Variants in NUP210 observed in about 807,000 individuals in gnomAD.
The protein encoded by NUP210 is nucleoporin 210, also known as nuclear pore membrane glycoprotein 210.
In NUP210, 151 loss-of-function variants were observed where a neutral mutation model predicts 196.0. That is an observed-to-expected ratio of 0.77 (90% CI 0.67 to 0.88). The LOEUF is 0.88. Among genes scored for constraint, NUP210 ranks in the 40% least tolerant of loss-of-function variants. NUP210 has a pLI of 0.00. For synonymous variants in NUP210, 1,070 were observed against 1,052.7 expected, an observed-to-expected ratio of 1.02 and a Z score of -0.32; for missense variants, 2,314 against 2,493.7, an observed-to-expected ratio of 0.93 and a Z score of 1.53.
chr3:13,376,699 G>A lies in NUP210; in HGVS notation c.1153-268C>T, dbSNP rs541618256. Among the ~76,000 whole-genome samples, 6 of 152,194 alleles carry A rather than the reference G, an allele frequency of 3.9e-5. No individual in the cohort carries two copies. In the South Asian group the frequency reaches 1.2e-3, roughly 32 times the overall value. ...TTTCATCCCCCCGTGTGGCACCTGG[G>A]GCAGCTTGGAGCCTACCGAGGTCTC... On this transcript the variant is annotated intron_variant, in intron 9 of 39. Coordinates refer to ENST00000254508, the MANE Select transcript of NUP210 (RefSeq NM_024923.4).
At chr3:13,333,091 C>T (rs571941425) in intron 28 of NUP210, among the ~76,000 whole-genome samples, 74 of 152,326 alleles carry the variant, frequency 4.9e-4, no homozygotes, top group African/African-American at 1.7e-3. Context: ...CATAGACACA[C>T]ACAGGGGCCT....
intron 1 of NUP210, among the ~76,000 whole-genome samples, chr3:13,413,756 A>G (rs1449110960): frequency 1.3e-5 from 2 of 152,218 alleles, no homozygotes; most frequent in African/African-American, 4.8e-5. Context: ...AGAGTTCTGA[A>G]GGTGGATGGT....
chr3:13,386,324 T>A lies in NUP210; in HGVS notation c.768A>T (p.Gly256=). 1 of 1,614,156 alleles carries A rather than the reference T, an allele frequency of 6.2e-7. No homozygotes were observed. Among genetic ancestry groups the A allele is most frequent in the Non-Finnish European group, 8.5e-7 (1 of 1,179,996 alleles). Residue 256 remains glycine, a synonymous_variant, in exon 6 of 40, where the codon GGA becomes GGT. Coordinates refer to ENST00000254508, the MANE Select transcript of NUP210 (RefSeq NM_024923.4). ...NPAYDVYLMV[G]TSIHYKVQKI... The stretch of plus-strand genomic sequence containing the variant: ...TCTGCACCTTGTAGTGAATGGAGGT[T>A]CCCACCATCAGGTAGACGTCATAGG...
rs544719055 is a variant in NUP210, at chr3:13,349,727, T to C, written c.2835+2152A>G. ...GTTGCTCCTGAAGGAACTGACTTCA[T>C]GCGCAACAGAGCTCGGAGAAGTCCA... On this transcript the variant is annotated intron_variant, in intron 20 of 39. Coordinates refer to ENST00000254508, the MANE Select transcript of NUP210 (RefSeq NM_024923.4). 1.9e-3 allele frequency among the ~76,000 whole-genome samples: 296 copies of C among 152,320 alleles called. 1 individual carries two copies. Among genetic ancestry groups the C allele is most frequent in the Non-Finnish European group, 3.3e-3 (226 of 68,030 alleles).
In NUP210 at chr3:13,373,793, G is replaced by A; in HGVS notation, c.1512C>T (p.Thr504=). 6.2e-7 allele frequency: 1 copy of A among 1,614,124 alleles called. No homozygotes were observed. Among genetic ancestry groups the A allele is most frequent in the South Asian group, 1.1e-5 (1 of 91,082 alleles). The change falls in exon 12 of 40, where the codon ACC becomes ACT. Residue 504 remains threonine (T), a synonymous_variant. Coordinates refer to ENST00000254508, the MANE Select transcript of NUP210 (RefSeq NM_024923.4). ...VATVTVKGVM[T]TGSDIGFSVI... ...CACTGAACCCGATGTCACTGCCTGT[G>A]GTCATCACGCCCTTGACAGTAACTG...
chr3:13,343,447 C>T, intron 20 of NUP210, 144 bp from the exon 21 acceptor site: 1 of 1,076,424 alleles, frequency 9.3e-7, no homozygotes, highest in South Asian at 1.6e-5. Context: ...CCCGCCAGGC[C>T]AGCACTGGGA....
Position 13,353,551 on chromosome 3 carries a change from T to C in NUP210, c.2628+3A>G, listed in dbSNP as rs537692015. 6.2e-7 allele frequency: 1 copy of C among 1,612,966 alleles called. No homozygotes were observed. The highest frequency in any genetic ancestry group is 8.5e-7 in the Non-Finnish European group (1 of 1,179,030). Reference sequence around the variant, plus strand: ...CCACCCACCACTGGGCCCTGGGAGATACCGGCTGCTTTGTTCTGGCAGAGC... The same window carrying C: ...CCACCCACCACTGGGCCCTGGGAGACACCGGCTGCTTTGTTCTGGCAGAGC... On this transcript the variant is annotated splice_donor_region_variant and intron_variant, in intron 18 of 39. Transcript: ENST00000254508.
At chr3:13,417,300 G>A (rs534968846) in intron 1 of NUP210, among the ~76,000 whole-genome samples, 5 of 152,108 alleles carry the variant, frequency 3.3e-5, no homozygotes, top group South Asian at 2.1e-4. Flanking sequence ...CCCCTGGCCC[G>A]AAAACTGTCC....
intron 1 of NUP210, among the ~76,000 whole-genome samples, chr3:13,402,117 T>C (rs1699857941): frequency 6.6e-6 from 1 of 152,194 alleles, no homozygotes; most frequent in African/African-American, 2.4e-5. Context: ...GGAGGATCCC[T>C]TGAGCCCAGG....
chr3:13,355,322 TA>T (rs909197029), intron 16 of NUP210, among the ~76,000 whole-genome samples: 34 of 152,184 alleles, frequency 2.2e-4, no homozygotes, highest in Admixed American at 1.2e-3. Context: ...GAAATGGGAC[TA>T]GGGGGAAGCT....
At chr3:13,401,195 GC>G (rs57155991) in intron 1 of NUP210, among the ~76,000 whole-genome samples, 146,624 of 146,650 alleles carry the variant, frequency 1, 73,299 homozygotes, top group Middle Eastern at 1. Context: ...GCAGGCGGAG[GC>G]CTGCAGTGAG....
intron 33 of NUP210, among the ~76,000 whole-genome samples, chr3:13,324,974 G>T (rs1240285569): frequency 1.3e-5 from 2 of 152,178 alleles, no homozygotes; most frequent in African/African-American, 4.8e-5. Flanking sequence ...CTCAATGATT[G>T]CTCAGTCATA....
Position 13,317,775 on chromosome 3 carries a change from G to C in NUP210, c.5570C>G (p.Ala1857Gly). ...ASPGHSPHYF[A>G]ASSPTSPNAL... is the part of the protein sequence containing the mutation. ...ATTGGGAGATGTGGGTGATGAGGCA[G>C]CGAAATCTAGGGTGGGAAGAGAGAC... The change falls in exon 40 of 40, where the codon GCT becomes GGT. Residue 1857 changes from alanine to glycine, a missense_variant. Ala to Gly is a moderately conservative substitution (Grantham distance 60). Coordinates refer to ENST00000254508, the MANE Select transcript of NUP210 (RefSeq NM_024923.4). The C allele has an allele frequency of 6.2e-7, 1 of 1,607,506 alleles. No individual in the cohort carries two copies. Among genetic ancestry groups the C allele is most frequent in the Non-Finnish European group, 8.5e-7 (1 of 1,176,642 alleles).
At chr3:13,322,437 C>T in intron 34 of NUP210, 98 bp from the exon 35 acceptor site, 1 of 1,342,818 alleles carries the variant, frequency 7.4e-7, no homozygotes, top group Admixed American at 2.0e-5. Context: ...GCAAATGCCA[C>T]CTGCCCCTGC....
At position 13,353,601 on chromosome 3, in the gene NUP210, T is replaced by C. The variant is rs1698058589; in HGVS notation, c.2581A>G (p.Thr861Ala). The C allele has an allele frequency of 6.2e-7, 1 of 1,613,968 alleles. No individual in the cohort carries two copies. The highest frequency in any genetic ancestry group is 1.3e-5 in the African/African-American group (1 of 74,910). ...CTGAGGTGGGACTCCTGGTAGCCAG[T>C]GGCAGTGGCAGTGATGGCTGTGGTT... ...SGTTAITATATGYQESHLSSA... is the reference protein window; with the variant it reads ...SGTTAITATAAGYQESHLSSA... Residue 861 changes from threonine (T) to alanine (A), a missense_variant, in exon 18 of 40, where the codon ACT (threonine) becomes GCT (alanine). Thr to Ala is a moderately conservative substitution (Grantham distance 58). Transcript: ENST00000254508.
Position 13,348,945 on chromosome 3 carries a change from T to G in NUP210, c.2835+2934A>C, listed in dbSNP as rs1697860245. Reference sequence around the variant, plus strand: ...GGTGTTTCACACAAAAATAGAGATCTCTATTTTCTCTTGAAAATCAGAAGC... The same window carrying G: ...GGTGTTTCACACAAAAATAGAGATCGCTATTTTCTCTTGAAAATCAGAAGC... On this transcript the variant is annotated intron_variant, in intron 20 of 39. Transcript: ENST00000254508. The surrounding 1 kb of genome is among the most constrained non-coding windows in gnomAD (Gnocchi z 4.0). 3.1e-6 allele frequency: 3 copies of G among 969,188 alleles called. No individual in the cohort carries two copies. The highest frequency in any genetic ancestry group is 3.7e-6 in the Non-Finnish European group (3 of 815,046). 60.0% of individuals were successfully genotyped at this position (969,188 alleles called of 1,614,324 possible).
intron 8 of NUP210, among the ~76,000 whole-genome samples, chr3:13,378,455 C>T (rs575431087): frequency 6.6e-6 from 1 of 152,354 alleles, no homozygotes; most frequent in Admixed American, 6.5e-5. Context: ...GGACACCTTC[C>T]CGCAAAAGAA....
intron 10 of NUP210, 94 bp downstream of exon 10, chr3:13,376,197 T>TC: frequency 1.5e-6 from 2 of 1,334,846 alleles, no homozygotes; most frequent in Non-Finnish European, 2.1e-6. Flanking sequence ...GTGGCCCAAC[T>TC]CCCTGGGACT....
rs1230802167 is a variant in NUP210 at position 13,388,346 on chromosome 3, C to G, written c.641G>C (p.Gly214Ala). ...GATGCGAGCCTTGAGCTTGGAGCTC[C>G]CGGTCTTCATCCCAGACACCAGGAT... is the stretch of plus-strand genomic sequence containing the variant. ...DTILVSGMKT[G>A]SSKLKARIQE... Residue 214 changes from glycine to alanine, a missense_variant, in exon 5 of 40, where the codon GGG becomes GCG. Transcript: ENST00000254508. 2.5e-6 allele frequency: 4 copies of G among 1,612,900 alleles called. No individual in the cohort carries two copies. The South Asian group carries it at 4.4e-5, about 18-fold the overall frequency.
Sources: gnomAD v4.1 joint callset for allele counts (sites outside exome capture counted in the v4.1 genomes callset) on GRCh38, gnomAD v4.1.1 for gene constraint, Gnocchi (gnomAD v3.1) non-coding constraint, MANE v1.5 for transcripts, NCBI Gene and HGNC (gene_info 2026-07-23, HGNC 2026-07-21) for gene names.